ETV3: variants seen among roughly 807,000 people sequenced by gnomAD.
The protein encoded by ETV3 is ETS translocation variant 3.
ETV3 carries 8 observed loss-of-function variants against 33.0 expected under a neutral mutation model. The ratio of observed to expected loss-of-function variants is 0.24; its 90% CI spans 0.14 to 0.44. The LOEUF (loss-of-function observed/expected upper bound fraction) is 0.44, where lower values mean the gene tolerates loss of function less well. Among genes scored for constraint, ETV3 ranks in the 20% least tolerant of loss-of-function variants. ETV3 has a pLI of 1.00. For synonymous variants in ETV3, 222 were observed against 238.9 expected, an observed-to-expected ratio of 0.93 and a Z score of 0.65; for missense variants, 473 against 652.3, an observed-to-expected ratio of 0.73 and a Z score of 2.99.
rs963404631 is a variant in ETV3, at chr1:157,123,881, C to T, written c.*960G>A. On this transcript the variant is annotated 3_prime_UTR_variant, in exon 5 of 5. Coordinates refer to ENST00000368192, the MANE Select transcript of ETV3 (RefSeq NM_001145312.3). ...GACCTCTTCAATAATGTTGTCATGC[C>T]TCTCAGTGAACGTGCTCACAGTCAC... is the stretch of plus-strand genomic sequence containing the variant. 5.3e-5 allele frequency: 8 copies of T among 152,284 alleles called. No individual in the cohort carries two copies. Among genetic ancestry groups the T allele is most frequent in the African/African-American group, 1.9e-4 (8 of 41,552 alleles). The allele number at this position is 152,284 out of a possible 1,614,324, so 9.4% of individuals were successfully genotyped here. A position where few individuals can be genotyped will look rare whatever the true frequency, so the allele number is the denominator to read the frequency against.
At chr1:157,133,639 A>G (rs917584635) in intron 4 of ETV3, 1 of 988,270 alleles carries the variant, frequency 1.0e-6, no homozygotes, top group African/African-American at 1.7e-5. Context: ...CACTGCAAAC[A>G]TGTGAACCTC....
rs1415513611 is a variant in ETV3 at position 157,134,109 on chromosome 1, T to C, written c.400+3A>G. On this transcript the variant is annotated splice_donor_region_variant and intron_variant, in intron 4 of 4. Coordinates refer to ENST00000368192, the MANE Select transcript of ETV3 (RefSeq NM_001145312.3). ...TTCCCTACCAAAAGAGTTTGTATCT[T>C]ACCACTTGACCGAATGTTGATGAAT... The C allele has an allele frequency of 6.2e-7, 1 of 1,612,676 alleles. No individual in the cohort carries two copies. The highest frequency in any genetic ancestry group is 8.5e-7 in the Non-Finnish European group (1 of 1,179,646).
chr1:157,137,161 T>A lies in ETV3; in HGVS notation c.-13-796A>T, dbSNP rs556981365. On this transcript the variant is annotated intron_variant, in intron 1 of 4. Transcript: ENST00000368192. The stretch of plus-strand genomic sequence containing the variant: ...ATTTACAGTTCCTCAATAAATTTCC[T>A]GTTCCTCCCAGCAAGGAGCTTTGTG... Among the ~76,000 whole-genome samples the A allele has an allele frequency of 3.3e-5, 5 of 152,262 alleles. No individual in the cohort carries two copies. The East Asian group carries it at 9.7e-4, about 29-fold the overall frequency.
rs1026812041 is a variant in ETV3, at chr1:157,124,211, A to C, written c.*630T>G. On this transcript the variant is annotated 3_prime_UTR_variant, in exon 5 of 5. Transcript: ENST00000368192. ...TGAAAACATTTTCTTTAAAAAGGAAAAGAAAAAAATGCCAAACAACACCAA... is the reference window on the plus strand; with the variant it reads ...TGAAAACATTTTCTTTAAAAAGGAACAGAAAAAAATGCCAAACAACACCAA... 4.0e-5 allele frequency: 6 copies of C among 149,442 alleles called. No homozygotes were observed. The highest frequency in any genetic ancestry group is 1.4e-4 in the Admixed American group (2 of 14,754). 9.3% of individuals were successfully genotyped at this position (149,442 alleles called of 1,614,324 possible).
At chr1:157,130,137 G>A (rs779631415) in intron 4 of ETV3, among the ~76,000 whole-genome samples, 41 of 152,006 alleles carry the variant, frequency 2.7e-4, no homozygotes, top group Non-Finnish European at 4.0e-4. Context: ...CCACTGTGCC[G>A]GCCCAAAATC....
In ETV3 at chr1:157,124,754, T is replaced by TGGGGG; in HGVS notation, c.*86_*87insCCCCC. On this transcript the variant is annotated 3_prime_UTR_variant, in exon 5 of 5. Transcript: ENST00000368192. Reference sequence around the variant, plus strand: ...CCTAGAATGATCAAACCAGTTTAACTCCCTCCCCCCCACCCTGAAATCTTG... The same window carrying TGGGGG: ...CCTAGAATGATCAAACCAGTTTAACTGGGGGCCCTCCCCCCCACCCTGAAATCTTG... 3.0e-6 allele frequency: 1 copy of TGGGGG among 328,824 alleles called. No individual in the cohort carries two copies. Among genetic ancestry groups the TGGGGG allele is most frequent in the Non-Finnish European group, 5.9e-6 (1 of 168,370 alleles). The allele number at this position is 328,824 out of a possible 1,614,324, so 20.4% of individuals were successfully genotyped here.
chr1:157,130,176 C>A (rs141111449), intron 4 of ETV3, among the ~76,000 whole-genome samples: 10 of 152,156 alleles, frequency 6.6e-5, no homozygotes, highest in Admixed American at 2.0e-4. Flanking sequence ...GAAAAATAAA[C>A]TGGAGGATAT....
rs1310184722 is a variant in ETV3, at chr1:157,124,662, C to T, written c.*179G>A. 8 of 617,938 alleles carry T rather than the reference C, an allele frequency of 1.3e-5. No homozygotes were observed. Among genetic ancestry groups the T allele is most frequent in the African/African-American group, 1.8e-5 (1 of 54,166 alleles). The allele number at this position is 617,938 out of a possible 1,614,324, so 38.3% of individuals were successfully genotyped here. On this transcript the variant is annotated 3_prime_UTR_variant, in exon 5 of 5. Transcript: ENST00000368192. ...ACCAGGAAAATAAGTGTGTTCATATCCCACCTAATTTACAACAGAAGATAA... is the reference window on the plus strand; with the variant it reads ...ACCAGGAAAATAAGTGTGTTCATATTCCACCTAATTTACAACAGAAGATAA...
At chr1:157,128,060 T>C (rs966448411) in intron 4 of ETV3, among the ~76,000 whole-genome samples, 1 of 152,124 alleles carries the variant, frequency 6.6e-6, no homozygotes, top group African/African-American at 2.4e-5. Flanking sequence ...AGTATAGTGA[T>C]CTAGGAGTGG....
chr1:157,126,022 T>C, intron 4 of ETV3, 43 bp from the exon 5 acceptor site: 1 of 1,454,960 alleles, frequency 6.9e-7, no homozygotes, highest in Non-Finnish European at 9.1e-7. Context: ...AGAGGACTGC[T>C]CATTCATTAT....
Position 157,125,098 on chromosome 1 carries a change from C to T in ETV3, c.1282G>A (p.Ala428Thr). The T allele has an allele frequency of 1.3e-6, 2 of 1,544,962 alleles. No individual in the cohort carries two copies. The highest frequency in any genetic ancestry group is 1.7e-6 in the Non-Finnish European group (2 of 1,143,290). ...GGCACAGAGGGCCAGATGGGTGGTG[C>T]AGCAGGACGGGCAAAGATGGTGCCT... ...EKGTIFARPA[A>T]PPIWPSVPIS... Residue 428 changes from alanine (A) to threonine (T), a missense_variant, in exon 5 of 5, where the codon GCA becomes ACA. Ala to Thr is a moderately conservative substitution (Grantham distance 58, BLOSUM62 0). Coordinates refer to ENST00000368192, the MANE Select transcript of ETV3 (RefSeq NM_001145312.3). The surrounding 1 kb of genome is among the most constrained non-coding windows in gnomAD (Gnocchi z 4.0).
At chr1:157,138,195 T>C (rs985457) in intron 1 of ETV3, 121 bp downstream of exon 1, 2,056 of 149,718 alleles carry the variant, frequency 0.014, 31 homozygotes, top group African/African-American at 0.037. Context: ...CCGCACTGGG[T>C]GAGGCCCAGC....
rs1188532641 is a variant in ETV3, at chr1:157,125,136, A to G, written c.1244T>C (p.Ile415Thr). The change falls in exon 5 of 5, where the codon ATT becomes ACT. Residue 415 changes from isoleucine to threonine, a missense_variant. Ile to Thr is a moderately conservative substitution (Grantham distance 89). Transcript: ENST00000368192. The surrounding 1 kb of genome is among the most constrained non-coding windows in gnomAD (Gnocchi z 4.0). The stretch of plus-strand genomic sequence containing the variant: ...AAAGATGGTGCCTTTTTCCTCTTCA[A>G]TGGTCCTGCTTGGCACAGTGCCCTC... ...QEEGTVPSRT[I>T]EEEKGTIFAR... The G allele has an allele frequency of 3.9e-6, 6 of 1,549,878 alleles. No individual in the cohort carries two copies. The Admixed American group carries it at 7.9e-5, about 20-fold the overall frequency.
At chr1:157,133,950 T>C in intron 4 of ETV3, 162 bp downstream of exon 4, 1 of 1,445,702 alleles carries the variant, frequency 6.9e-7, no homozygotes, top group Non-Finnish European at 9.0e-7. Flanking sequence ...TAACTCTCCT[T>C]ATAAGTGAGA....
At chr1:157,127,189 T>C (rs993087435) in intron 4 of ETV3, among the ~76,000 whole-genome samples, 9 of 152,242 alleles carry the variant, frequency 5.9e-5, no homozygotes, top group African/African-American at 1.9e-4. Context: ...TGGAAAGTAA[T>C]GCATTAAAAA....
rs1183757958 is a variant in ETV3 at position 157,134,106 on chromosome 1, T to C, written c.400+6A>G. 3.1e-6 allele frequency: 5 copies of C among 1,611,502 alleles called. No homozygotes were observed. Among genetic ancestry groups the C allele is most frequent in the Non-Finnish European group, 4.2e-6 (5 of 1,179,414 alleles). ...TAATTCCCTACCAAAAGAGTTTGTA[T>C]CTTACCACTTGACCGAATGTTGATG... On this transcript the variant is annotated splice_donor_region_variant and intron_variant, in intron 4 of 4. Coordinates refer to ENST00000368192, the MANE Select transcript of ETV3 (RefSeq NM_001145312.3).
In ETV3 at chr1:157,125,809, GCTCA is replaced by G. The variant is rs1558029325; in HGVS notation, c.567_570del (p.Glu190PhefsTer39). On this transcript the variant is annotated frameshift_variant, in exon 5 of 5. Coordinates refer to ENST00000368192, the MANE Select transcript of ETV3 (RefSeq NM_001145312.3). LOFTEE classifies it high-confidence loss of function. This position sits in a 1 kb window ranked among gnomAD's most constrained non-coding sequence, Gnocchi z 4.0. Reference sequence around the variant, plus strand: ...GCTGAGCCATCCTCCAGCTCTGAAAGCTCAGTCTTTCTATCAGTACCATTACTGG... The same window carrying G: ...GCTGAGCCATCCTCCAGCTCTGAAAGGTCTTTCTATCAGTACCATTACTGG... 1 of 1,551,718 alleles carries G rather than the reference GCTCA, an allele frequency of 6.4e-7. No individual in the cohort carries two copies. The highest frequency in any genetic ancestry group is 8.7e-7 in the Non-Finnish European group (1 of 1,147,002).
chr1:157,132,954 T>C (rs937142562), intron 4 of ETV3, among the ~76,000 whole-genome samples: 1 of 152,208 alleles, frequency 6.6e-6, no homozygotes, highest in African/African-American at 2.4e-5. Context: ...TTCTGAGAAG[T>C]TGTATTACTG....
chr1:157,134,363 G>T, intron 3 of ETV3, 136 bp from the exon 4 acceptor site: 1 of 1,160,762 alleles, frequency 8.6e-7, no homozygotes, highest in Non-Finnish European at 1.2e-6. Context: ...TCGCAGCCTG[G>T]CCCTCCAGGT....
Sources: allele counts gnomAD v4.1 joint callset (sites outside exome capture counted in the v4.1 genomes callset), GRCh38; gene constraint gnomAD v4.1.1; non-coding constraint Gnocchi (gnomAD v3.1); transcripts MANE v1.5; gene names NCBI Gene and HGNC (gene_info 2026-07-23, HGNC 2026-07-21).